Variants in SRGAP1 observed in about 807,000 individuals in gnomAD.
The protein encoded by SRGAP1 is SLIT-ROBO Rho GTPase-activating protein 1.
SRGAP1 carries 43 observed loss-of-function variants against 121.9 expected under a neutral mutation model. That is an observed-to-expected ratio of 0.35 (90% CI 0.28 to 0.46). SRGAP1 has a LOEUF of 0.46. Ranked by LOEUF, SRGAP1 falls within the 20% of genes least tolerant of loss-of-function variation. The pLI is 1.00. For synonymous variants in SRGAP1, 447 were observed against 485.4 expected (o/e 0.92, Z 1.04); for missense variants, 1,102 against 1,350.9 (o/e 0.82, Z 2.89).
chr12:63,893,196 C>A (rs895122495), intron 1 of SRGAP1, among the ~76,000 whole-genome samples: 6 of 152,140 alleles, frequency 3.9e-5, no homozygotes, highest in Non-Finnish European at 8.8e-5. Flanking sequence ...TTGTATATGT[C>A]AACTAAAAAC....
rs566681918 is a variant in SRGAP1 at position 64,017,793 on chromosome 12, CT to C, written c.489+790del. ...TATTAAAACTACTTTTGAAGGATAT[CT>C]TTTTTTTTGCAATAATTTGCTTTTG... is the stretch of plus-strand genomic sequence containing the variant. On this transcript the variant is annotated intron_variant, in intron 4 of 21. Coordinates refer to ENST00000355086, the MANE Select transcript of SRGAP1 (RefSeq NM_020762.4). Among the ~76,000 whole-genome samples, 33 of 150,160 alleles carry C rather than the reference CT, an allele frequency of 2.2e-4. No homozygotes were observed. The South Asian group carries it at 2.3e-3, about 11-fold the overall frequency.
At chr12:64,042,558 T>G (rs1321959951) in intron 4 of SRGAP1, among the ~76,000 whole-genome samples, 1 of 152,190 alleles carries the variant, frequency 6.6e-6, no homozygotes, top group Non-Finnish European at 1.5e-5. Context: ...AATCATTTTT[T>G]CACCAAATCC....
At chr12:64,072,893 C>G (rs983024732) in intron 8 of SRGAP1, among the ~76,000 whole-genome samples, 1 of 152,186 alleles carries the variant, frequency 6.6e-6, no homozygotes, top group South Asian at 2.1e-4. Flanking sequence ...AGTCACCTCT[C>G]CCTCCTCATT....
intron 1 of SRGAP1, among the ~76,000 whole-genome samples, chr12:63,853,480 T>TA (rs1899142536): frequency 1.3e-5 from 2 of 152,360 alleles, no homozygotes; most frequent in Admixed American, 6.5e-5. Flanking sequence ...ATGCAGTCTT[T>TA]ACCACTGGTT....
intron 17 of SRGAP1, 22 bp downstream of exon 17, chr12:64,112,008 C>A: frequency 6.3e-7 from 1 of 1,578,826 alleles, no homozygotes; most frequent in Non-Finnish European, 8.7e-7. Context: ...AATTTTAGTC[C>A]TCCTCTCCCA....
At chr12:64,142,230 G>A in intron 21 of SRGAP1, 65 bp from the exon 22 acceptor site, 1 of 1,537,296 alleles carries the variant, frequency 6.5e-7, no homozygotes, top group South Asian at 1.2e-5. Context: ...TAAGTGTCTG[G>A]GTTTCTATAC....
At chr12:63,947,885 C>T (rs1328326158) in intron 1 of SRGAP1, among the ~76,000 whole-genome samples, 3 of 152,222 alleles carry the variant, frequency 2.0e-5, no homozygotes, top group East Asian at 1.9e-4. Context: ...ATACATTTAT[C>T]GTCTTTTACC....
intron 1 of SRGAP1, among the ~76,000 whole-genome samples, chr12:63,969,312 G>T (rs566571662): frequency 1.3e-5 from 2 of 152,032 alleles, no homozygotes; most frequent in African/African-American, 4.8e-5. Context: ...GACTGATTTT[G>T]ATTGCACCAT....
chr12:64,133,070 A>G (rs1424172957), intron 21 of SRGAP1, among the ~76,000 whole-genome samples: 1 of 152,262 alleles, frequency 6.6e-6, no homozygotes, highest in African/African-American at 2.4e-5. Context: ...GTCATTCTCC[A>G]GAATCCATCT....
At position 64,154,355 on chromosome 12, in the gene SRGAP1, G is replaced by A. The variant is rs779667607; in HGVS notation, c.*11683G>A. On this transcript the variant is annotated 3_prime_UTR_variant, in exon 22 of 22. Coordinates refer to ENST00000355086, the MANE Select transcript of SRGAP1 (RefSeq NM_020762.4). ...GTGTTTGGGGTCCACGGGTGGGGAG[G>A]AGCTTGGGAAGGAATGGCATGAGGG... 1 of 152,156 alleles carries A rather than the reference G, an allele frequency of 6.6e-6. No individual in the cohort carries two copies. Among genetic ancestry groups the A allele is most frequent in the East Asian group, 1.9e-4 (1 of 5,192 alleles). The allele number at this position is 152,156 out of a possible 1,614,324, so 9.4% of individuals were successfully genotyped here. A position where few individuals can be genotyped will look rare whatever the true frequency, so the allele number is the denominator to read the frequency against.
chr12:63,883,148 G>A (rs1200235818), intron 1 of SRGAP1, among the ~76,000 whole-genome samples: 1 of 152,152 alleles, frequency 6.6e-6, no homozygotes, highest in Non-Finnish European at 1.5e-5. Flanking sequence ...ATTAAACCCT[G>A]AAAGTCTTCA....
chr12:64,147,552 C>G lies in SRGAP1; in HGVS notation c.*4880C>G. 2.5e-6 allele frequency: 1 copy of G among 399,070 alleles called. No individual in the cohort carries two copies. Among genetic ancestry groups the G allele is most frequent in the Non-Finnish European group, 4.4e-6 (1 of 226,422 alleles). 24.7% of individuals were successfully genotyped at this position (399,070 alleles called of 1,614,324 possible). ...GTGCCTTTCTCACCCCTGTGTCCTC[C>G]CATCCCACCGCATCAGTCCCCCGCT... On this transcript the variant is annotated 3_prime_UTR_variant, in exon 22 of 22. Transcript: ENST00000355086.
At chr12:63,928,421 TCAAA>T (rs2031343236) in intron 1 of SRGAP1, among the ~76,000 whole-genome samples, 1 of 152,182 alleles carries the variant, frequency 6.6e-6, no homozygotes, top group African/African-American at 2.4e-5. Flanking sequence ...TGGAAACAAC[TCAAA>T]CATTCTTCAA....
chr12:63,895,555 T>TTA (rs1312572427), intron 1 of SRGAP1, among the ~76,000 whole-genome samples: 1 of 152,182 alleles, frequency 6.6e-6, no homozygotes, highest in Admixed American at 6.5e-5. Context: ...CCAAAGTCAC[T>TTA]TATAATGAGT....
intron 3 of SRGAP1, among the ~76,000 whole-genome samples, chr12:64,016,674 G>A (rs141381031): frequency 1.2e-3 from 184 of 152,244 alleles, no homozygotes; most frequent in African/African-American, 4.3e-3. Context: ...CAAGCATGAC[G>A]CTTCAACCTG....
intron 8 of SRGAP1, among the ~76,000 whole-genome samples, chr12:64,078,384 A>T (rs1268281878): frequency 6.6e-6 from 1 of 152,234 alleles, no homozygotes; most frequent in Non-Finnish European, 1.5e-5. Context: ...GGAAGACAAA[A>T]ATTATACATC....
intron 1 of SRGAP1, among the ~76,000 whole-genome samples, chr12:63,907,053 C>T (rs569190094): frequency 1.0e-3 from 153 of 152,212 alleles, no homozygotes; most frequent in African/African-American, 3.5e-3. Context: ...CTAATTTCTC[C>T]ACATCCTCAC....
intron 6 of SRGAP1, among the ~76,000 whole-genome samples, chr12:64,051,534 A>AC (rs2136519265): frequency 6.6e-6 from 1 of 152,326 alleles, no homozygotes; most frequent in African/African-American, 2.4e-5. Flanking sequence ...AGCACTTCAG[A>AC]CTAATCAGTT....
intron 1 of SRGAP1, among the ~76,000 whole-genome samples, chr12:63,950,390 C>T (rs957546134): frequency 4.6e-5 from 7 of 152,164 alleles, no homozygotes; most frequent in Non-Finnish European, 7.3e-5. Context: ...TCTGACTTCT[C>T]CCTCTTTAAG....
Sources: allele counts gnomAD v4.1 joint callset (sites outside exome capture counted in the v4.1 genomes callset), GRCh38; gene constraint gnomAD v4.1.1; transcripts MANE v1.5; gene names NCBI Gene and HGNC (gene_info 2026-07-23, HGNC 2026-07-21).